The following EDIL3 variants were observed in gnomAD, a reference collection of about 807,000 sequenced individuals.
EDIL3 encodes the protein EGF like and discoidin domains 3.
A neutral mutation model predicts 67.4 loss-of-function variants in EDIL3; 37 were observed. The ratio of observed to expected loss-of-function variants is 0.55; its 90% CI spans 0.42 to 0.72. EDIL3 has a LOEUF of 0.72. EDIL3 is among the 30% of genes least tolerant of loss of function. EDIL3 has a pLI of 0.00. For synonymous variants in EDIL3, 195 were observed against 196.3 expected (o/e 0.99, Z 0.05); for missense variants, 527 against 586.3 (o/e 0.90, Z 1.04).
intron 3 of EDIL3, among the ~76,000 whole-genome samples, chr5:84,184,538 A>G (rs1360731445): frequency 2.6e-5 from 4 of 152,218 alleles, no homozygotes; most frequent in Non-Finnish European, 5.9e-5. Context: ...TAGCTCTATA[A>G]TAACAGCTGC....
intron 1 of EDIL3, among the ~76,000 whole-genome samples, chr5:84,273,356 G>A (rs928502067): frequency 6.6e-6 from 1 of 152,058 alleles, no homozygotes; most frequent in African/African-American, 2.4e-5. Flanking sequence ...TCCTTAGGCA[G>A]AGCAACATGA....
chr5:84,364,227 C>T (rs1171377322), intron 1 of EDIL3, among the ~76,000 whole-genome samples: 1 of 152,144 alleles, frequency 6.6e-6, no homozygotes, highest in Non-Finnish European at 1.5e-5. Flanking sequence ...TTATCTTGAT[C>T]ATTACATATG....
chr5:84,106,743 A>G lies in EDIL3; in HGVS notation c.557T>C (p.Leu186Pro), dbSNP rs1747470932. The change falls in exon 6 of 11, where the codon CTC becomes CCC. Residue 186 changes from leucine (L) to proline (P), a missense_variant. By Grantham distance (98) the Leu-to-Pro change is moderately conservative. Around this residue, in one of 2 missense-constraint regions of EDIL3, gnomAD observed 494 missense variants for 522.5 expected, o/e 0.95. Transcript: ENST00000296591. ...TGCATAGTAGGGATACCATTTTTGG[A>G]GTCCAAAAAGAGCTCGGTGAGTAGA... ...ASSTHRALFG[L>P]QKWYPYYARL... 6.2e-7 allele frequency: 1 copy of G among 1,613,534 alleles called. No individual in the cohort carries two copies. The highest frequency in any genetic ancestry group is 8.5e-7 in the Non-Finnish European group (1 of 1,179,646).
At chr5:84,066,014 C>T (rs912274386) in intron 7 of EDIL3, among the ~76,000 whole-genome samples, 6 of 150,684 alleles carry the variant, frequency 4.0e-5, no homozygotes, top group Non-Finnish European at 8.8e-5. Flanking sequence ...ACTCAGAAGG[C>T]TGAGGCAGGA....
intron 1 of EDIL3, among the ~76,000 whole-genome samples, chr5:84,340,534 CTATATATATATATATATATA>C (rs776456328): frequency 1.8e-5 from 1 of 54,196 alleles, no homozygotes; most frequent in East Asian, 6.9e-4. Context: ...CTCTCTCTCT[CTATATATATATATATATATA>C]TATATATATA....
At chr5:84,254,795 G>A (rs1358999617) in intron 1 of EDIL3, among the ~76,000 whole-genome samples, 1 of 152,114 alleles carries the variant, frequency 6.6e-6, no homozygotes, top group African/African-American at 2.4e-5. Context: ...AAAGAAATGT[G>A]GAAGGATAAG....
intron 9 of EDIL3, among the ~76,000 whole-genome samples, chr5:84,021,646 G>T (rs72635633): frequency 0.18 from 27,835 of 151,828 alleles, 2,872 homozygotes; most frequent in East Asian, 0.28. Context: ...AATGTTCTAT[G>T]CGCTGATGAG....
chr5:84,223,555 T>A (rs929661431), intron 3 of EDIL3, among the ~76,000 whole-genome samples: 16 of 151,654 alleles, frequency 1.1e-4, no homozygotes, highest in African/African-American at 3.4e-4. Context: ...CTCACTTACA[T>A]ATGAAATCTA....
chr5:83,997,335 C>A (rs1311752810), intron 9 of EDIL3, among the ~76,000 whole-genome samples: 1 of 151,980 alleles, frequency 6.6e-6, no homozygotes, highest in Non-Finnish European at 1.5e-5. Flanking sequence ...TAGATAGTGG[C>A]AATGAGGATG....
intron 3 of EDIL3, among the ~76,000 whole-genome samples, chr5:84,223,188 T>C (rs1744380812): frequency 6.6e-6 from 1 of 151,766 alleles, no homozygotes; most frequent in Admixed American, 6.6e-5. Flanking sequence ...TGAACACTCT[T>C]TGTGGGAATG....
intron 10 of EDIL3, among the ~76,000 whole-genome samples, chr5:83,945,433 A>C (rs1436796303): frequency 6.6e-6 from 1 of 152,026 alleles, no homozygotes; most frequent in Non-Finnish European, 1.5e-5. Context: ...CCAATTTTGT[A>C]GCCCTGCTAG....
chr5:84,301,200 G>A (rs747309281), intron 1 of EDIL3, among the ~76,000 whole-genome samples: 95 of 151,894 alleles, frequency 6.3e-4, no homozygotes, highest in Admixed American at 3.0e-3. Flanking sequence ...CCCTGGAGGC[G>A]GAGGTTGCGG....
intron 10 of EDIL3, among the ~76,000 whole-genome samples, chr5:83,946,768 TCA>T: frequency 6.6e-6 from 1 of 151,978 alleles, no homozygotes; most frequent in South Asian, 2.1e-4. Context: ...GGGGCATATT[TCA>T]GTTTCTTTTA....
chr5:84,141,524 G>A (rs1022351732), intron 4 of EDIL3, among the ~76,000 whole-genome samples: 4 of 145,816 alleles, frequency 2.7e-5, no homozygotes, highest in African/African-American at 7.5e-5. Context: ...ACATATATGC[G>A]ATATATATGT....
At chr5:84,013,280 T>C (rs928971225) in intron 9 of EDIL3, among the ~76,000 whole-genome samples, 3 of 152,064 alleles carry the variant, frequency 2.0e-5, no homozygotes, top group Non-Finnish European at 2.9e-5. Flanking sequence ...AATTCTTCAA[T>C]CTAAAAACAA....
At chr5:84,217,721 AACACACACACACACAC>A (rs61264723) in intron 3 of EDIL3, among the ~76,000 whole-genome samples, 4 of 134,932 alleles carry the variant, frequency 3.0e-5, no homozygotes, top group Non-Finnish European at 4.8e-5. Flanking sequence ...TATACACACA[AACACACACACACACAC>A]ACACACACAC....
chr5:84,141,960 T>TATATATATATACATAG (rs1748206343), intron 4 of EDIL3, among the ~76,000 whole-genome samples: 1 of 134,886 alleles, frequency 7.4e-6, no homozygotes, highest in African/African-American at 2.9e-5. Context: ...TAGATCTATC[T>TATATATATATACATAG]ATCTATCTAT....
intron 5 of EDIL3, among the ~76,000 whole-genome samples, chr5:84,132,353 C>T (rs867664432): frequency 8.6e-4 from 12 of 13,960 alleles, no homozygotes; most frequent in South Asian, 1.5e-3. Context: ...ATATTTTATA[C>T]ATAATATATA....
intron 1 of EDIL3, among the ~76,000 whole-genome samples, chr5:84,367,842 C>A (rs151190443): frequency 1.2e-3 from 178 of 152,268 alleles, no homozygotes; most frequent in African/African-American, 3.8e-3. Flanking sequence ...TTTTCCGTTT[C>A]TCTCCATTAC....
Sources: gnomAD v4.1 joint callset for allele counts (sites outside exome capture counted in the v4.1 genomes callset) on GRCh38, gnomAD v4.1.1 for gene constraint, gnomAD v4.1.1 regional missense constraint, MANE v1.5 for transcripts, NCBI Gene and HGNC (gene_info 2026-07-23, HGNC 2026-07-21) for gene names.